Variants in DAB2IP observed in about 807,000 individuals in gnomAD.
DAB2IP encodes DAB2 interacting protein.
A neutral mutation model predicts 107.2 loss-of-function variants in DAB2IP; 28 were observed. That is an observed-to-expected ratio of 0.26 (90% CI 0.19 to 0.36). DAB2IP has a LOEUF of 0.36. Among genes scored for constraint, DAB2IP ranks in the 10% least tolerant of loss-of-function variants. The pLI, the probability that DAB2IP is intolerant of heterozygous loss-of-function variation, is 1.00. For synonymous variants in DAB2IP, 755 were observed against 706.4 expected (o/e 1.07, Z -1.09); for missense variants, 1,400 against 1,644.7 (o/e 0.85, Z 2.57).
At chr9:121,569,100 G>A (rs1829872441) in intron 1 of DAB2IP, among the ~76,000 whole-genome samples, 2 of 152,232 alleles carry the variant, frequency 1.3e-5, no homozygotes, top group Non-Finnish European at 2.9e-5. Flanking sequence ...CTGGAGAGGG[G>A]TCTGGCTTTT....
At chr9:121,638,933 G>C (rs1298534069) in intron 1 of DAB2IP, among the ~76,000 whole-genome samples, 1 of 152,168 alleles carries the variant, frequency 6.6e-6, no homozygotes, top group Non-Finnish European at 1.5e-5. Context: ...TGGGAGCAAA[G>C]ACACAAAGGA....
chr9:121,640,942 T>C (rs944246510), intron 1 of DAB2IP, among the ~76,000 whole-genome samples: 1 of 152,192 alleles, frequency 6.6e-6, no homozygotes, highest in Non-Finnish European at 1.5e-5. Flanking sequence ...TAGACAAGAC[T>C]AGGTGAATTT....
At chr9:121,615,947 C>G (rs942025804) in intron 1 of DAB2IP, among the ~76,000 whole-genome samples, 1 of 152,200 alleles carries the variant, frequency 6.6e-6, no homozygotes, top group Middle Eastern at 3.4e-3. Context: ...TTGGCCTTGT[C>G]GAGGTGGCGA....
chr9:121,651,616 C>G lies in DAB2IP; in HGVS notation c.-160C>G, dbSNP rs973960317. On this transcript the variant is annotated 5_prime_UTR_variant, in exon 1 of 16. Transcript: ENST00000408936. This position sits in a 1 kb window ranked among gnomAD's most constrained non-coding sequence, Gnocchi z 5.1. The stretch of plus-strand genomic sequence containing the variant: ...TCGGGGAGCGGGAGGGGGCAGGAGG[C>G]GGAGGAGGAGTTTGAGCGACTTTGT... 8 of 1,024,148 alleles carry G rather than the reference C, an allele frequency of 7.8e-6. No homozygotes were observed. Among genetic ancestry groups the G allele is most frequent in the Non-Finnish European group, 4.7e-6 (4 of 849,434 alleles). The allele number at this position is 1,024,148 out of a possible 1,614,324, so 63.4% of individuals were successfully genotyped here.
At chr9:121,674,722 G>C (rs1203125329) in intron 1 of DAB2IP, among the ~76,000 whole-genome samples, 1 of 152,136 alleles carries the variant, frequency 6.6e-6, no homozygotes, top group African/African-American at 2.4e-5. Flanking sequence ...CCAGACCCAG[G>C]AGGCAAGAGG....
At chr9:121,679,076 C>CA (rs1828436783) in intron 2 of DAB2IP, among the ~76,000 whole-genome samples, 4 of 152,324 alleles carry the variant, frequency 2.6e-5, no homozygotes, top group African/African-American at 9.6e-5. Flanking sequence ...AGAAGAGGCT[C>CA]TTGTTAGTTT....
At chr9:121,636,063 C>T (rs1464955112) in intron 1 of DAB2IP, among the ~76,000 whole-genome samples, 2 of 152,138 alleles carry the variant, frequency 1.3e-5, no homozygotes, top group African/African-American at 2.4e-5. Context: ...GCCACCATGC[C>T]CAGCTAATTT....
At chr9:121,575,294 G>A (rs368341829) in intron 1 of DAB2IP, 30 of 154,420 alleles carry the variant, frequency 1.9e-4, no homozygotes, top group African/African-American at 7.0e-4. Context: ...CGGAGGGATG[G>A]GGACAGCAGC....
chr9:121,575,907 G>A (rs1830045834), intron 1 of DAB2IP, among the ~76,000 whole-genome samples: 1 of 152,078 alleles, frequency 6.6e-6, no homozygotes, highest in African/African-American at 2.4e-5. Flanking sequence ...GGAGACCCAA[G>A]GGGAAGGGTC....
At chr9:121,658,976 A>G (rs571386536) in intron 1 of DAB2IP, among the ~76,000 whole-genome samples, 1 of 152,322 alleles carries the variant, frequency 6.6e-6, no homozygotes, top group Admixed American at 6.5e-5. Flanking sequence ...TCCCTGACAG[A>G]CAGGAGAGTA....
intron 1 of DAB2IP, among the ~76,000 whole-genome samples, chr9:121,631,304 C>A (rs958647983): frequency 1.3e-5 from 2 of 152,138 alleles, no homozygotes; most frequent in Non-Finnish European, 2.9e-5. Flanking sequence ...ATTGACCATC[C>A]TGGGAAGGCT....
Position 121,699,597 on chromosome 9 carries a change from A to C in DAB2IP, c.362+139A>C. On this transcript the variant is annotated intron_variant, in intron 3 of 15. Transcript: ENST00000408936. This position sits in a 1 kb window ranked among gnomAD's most constrained non-coding sequence, Gnocchi z 6.2. ...ACCCCACGCCGCCCGCCGGGAACTT[A>C]TGGGGCCACCTCGGCCGGACTAGGG... 4.0e-6 allele frequency: 3 copies of C among 744,486 alleles called. No homozygotes were observed. The highest frequency in any genetic ancestry group is 5.2e-6 in the Non-Finnish European group (3 of 577,474). The allele number at this position is 744,486 out of a possible 1,614,324, so 46.1% of individuals were successfully genotyped here.
chr9:121,675,718 C>T (rs905039178), intron 1 of DAB2IP, among the ~76,000 whole-genome samples: 2 of 152,160 alleles, frequency 1.3e-5, no homozygotes, highest in African/African-American at 4.8e-5. Context: ...GGTGACTGCA[C>T]CCTGAGCCTC....
At chr9:121,706,769 G>A (rs1405552610) in intron 3 of DAB2IP, among the ~76,000 whole-genome samples, 2 of 152,350 alleles carry the variant, frequency 1.3e-5, no homozygotes, top group East Asian at 3.9e-4. Context: ...CTGTGAGCAT[G>A]TGGCTGTCCT....
intron 3 of DAB2IP, among the ~76,000 whole-genome samples, chr9:121,735,129 G>T (rs1180882787): frequency 6.6e-6 from 1 of 152,234 alleles, no homozygotes; most frequent in East Asian, 1.9e-4. Context: ...CTTCTCAGAA[G>T]GAAGGGGACA....
intron 1 of DAB2IP, among the ~76,000 whole-genome samples, chr9:121,616,157 A>T (rs1002463041): frequency 1.3e-5 from 2 of 152,046 alleles, no homozygotes; most frequent in Non-Finnish European, 2.9e-5. Flanking sequence ...ATCCCTGGGG[A>T]TTCCTGTGGC....
chr9:121,582,785 AC>A (rs1478351085), intron 1 of DAB2IP, among the ~76,000 whole-genome samples: 5 of 151,956 alleles, frequency 3.3e-5, no homozygotes, highest in African/African-American at 9.7e-5. Context: ...ATTCATTCCC[AC>A]CCCCGAAACG....
intron 3 of DAB2IP, among the ~76,000 whole-genome samples, chr9:121,709,593 G>A (rs536676994): frequency 3.9e-5 from 6 of 152,258 alleles, no homozygotes; most frequent in East Asian, 3.9e-4. Context: ...AAACCCAGGC[G>A]GTTGGCTTTA....
In DAB2IP at chr9:121,713,302, G is replaced by A. The variant is rs149617562; in HGVS notation, c.362+13844G>A. Among the ~76,000 whole-genome samples, 578 of 152,256 alleles carry A rather than the reference G, an allele frequency of 3.8e-3. 7 individuals are homozygous for A. Among genetic ancestry groups the A allele is most frequent in the African/African-American group, 0.013 (556 of 41,558 alleles). On this transcript the variant is annotated intron_variant, in intron 3 of 15. Coordinates refer to ENST00000408936, the Ensembl canonical transcript of DAB2IP. ...GATAGATGTCAGTATGTTGGCTGGG[G>A]TGGGGCCTTAGGACCTGTTGCTCTG...
Sources: allele counts gnomAD v4.1 joint callset (sites outside exome capture counted in the v4.1 genomes callset), GRCh38; gene constraint gnomAD v4.1.1; non-coding constraint Gnocchi (gnomAD v3.1); transcripts MANE v1.5; gene names NCBI Gene and HGNC (gene_info 2026-07-23, HGNC 2026-07-21).